The following TTLL7 variants were observed in gnomAD, a reference collection of about 807,000 sequenced individuals.
TTLL7 encodes the protein tubulin polyglutamylase TTLL7.
Under a neutral mutation model 120.2 loss-of-function variants are expected in TTLL7, and 53 were observed. The ratio of observed to expected loss-of-function variants is 0.44; its 90% confidence interval spans 0.35 to 0.55. The LOEUF (loss-of-function observed/expected upper bound fraction) is 0.55, where lower values mean the gene tolerates loss of function less well. Ranked by LOEUF, TTLL7 falls within the 20% of genes least tolerant of loss-of-function variation. TTLL7 has a pLI of 0.00. For missense variants in TTLL7, 803 were observed against 1,054.7 expected, an observed-to-expected ratio of 0.76 and a Z score of 3.31; for synonymous variants, 353 against 351.7, an observed-to-expected ratio of 1.00 and a Z score of -0.04.
rs1191882844 is a variant in TTLL7 at position 83,868,204 on chromosome 1, C to T, written c.*1758G>A. 1 of 152,200 alleles carries T rather than the reference C, an allele frequency of 6.6e-6. No homozygotes were observed. The highest frequency in any genetic ancestry group is 1.5e-5 in the Non-Finnish European group (1 of 68,014). The allele number at this position is 152,200 out of a possible 1,614,324, so 9.4% of individuals were successfully genotyped here. On this transcript the variant is annotated 3_prime_UTR_variant, in exon 21 of 21. Transcript: ENST00000260505. ...CAATTTGCCCCTCTCAGTTCTCCTG[C>T]TTTGGGGCCACTTCTTGAAATAACT... is the stretch of plus-strand genomic sequence containing the variant.
chr1:83,940,108 C>T (rs890013164), intron 7 of TTLL7, among the ~76,000 whole-genome samples: 5 of 152,058 alleles, frequency 3.3e-5, no homozygotes, highest in South Asian at 2.1e-4. Flanking sequence ...CTGGAGCTTA[C>T]GTGATTGAAG....
chr1:83,876,089 T>G (rs1030757667), intron 20 of TTLL7, among the ~76,000 whole-genome samples: 4 of 151,902 alleles, frequency 2.6e-5, no homozygotes, highest in African/African-American at 9.7e-5. Context: ...GGAAATGGTT[T>G]TCATTTATGG....
chr1:83,883,395 G>A (rs889837907), intron 19 of TTLL7, among the ~76,000 whole-genome samples: 1 of 151,876 alleles, frequency 6.6e-6, no homozygotes, highest in Non-Finnish European at 1.5e-5. Context: ...GTATGTGAGA[G>A]AGAGAGTGTG....
rs773305444 is a variant in TTLL7, at chr1:83,865,848, G to T, written c.*4114C>A. 2 of 151,866 alleles carry T rather than the reference G, an allele frequency of 1.3e-5. No individual in the cohort carries two copies. The highest frequency in any genetic ancestry group is 2.9e-5 in the Non-Finnish European group (2 of 67,844). 9.4% of individuals were successfully genotyped at this position (151,866 alleles called of 1,614,324 possible). On this transcript the variant is annotated 3_prime_UTR_variant, in exon 21 of 21. Transcript: ENST00000260505. ...TTCTTGAGGCTTTGTTAATACAAAGGTCAAAATTTCACCTTTGAACTAAAA... is the reference window on the plus strand; with the variant it reads ...TTCTTGAGGCTTTGTTAATACAAAGTTCAAAATTTCACCTTTGAACTAAAA...
At chr1:83,912,292 A>C (rs116324672) in intron 14 of TTLL7, among the ~76,000 whole-genome samples, 1,589 of 152,296 alleles carry the variant, frequency 0.01, 26 homozygotes, top group African/African-American at 0.036. Flanking sequence ...ACTTGTTTCT[A>C]GTCCTCCCAA....
At chr1:83,961,197 A>G (rs944625719) in intron 1 of TTLL7, among the ~76,000 whole-genome samples, 6 of 152,266 alleles carry the variant, frequency 3.9e-5, no homozygotes, top group Middle Eastern at 3.4e-3. Context: ...CTGAGCTACC[A>G]TATCAGGGAA....
intron 20 of TTLL7, among the ~76,000 whole-genome samples, chr1:83,876,728 TAAAGA>T (rs1052491833): frequency 3.3e-5 from 5 of 151,998 alleles, no homozygotes; most frequent in East Asian, 3.8e-4. Flanking sequence ...TTGTTGTTGA[TAAAGA>T]AAAGTGTAAT....
At chr1:83,927,552 T>C (rs573852320) in intron 10 of TTLL7, among the ~76,000 whole-genome samples, 1 of 152,220 alleles carries the variant, frequency 6.6e-6, no homozygotes, top group South Asian at 2.1e-4. Flanking sequence ...TAAAACAGTT[T>C]GGGTTGGAGA....
rs899263694 is a variant in TTLL7, at chr1:83,866,943, A to T, written c.*3019T>A. ...TCTTAGACATTTCTAGAAATTATTC[A>T]AATATTGCATAGTTCTAGAAAGCAT... On this transcript the variant is annotated 3_prime_UTR_variant, in exon 21 of 21. Coordinates refer to ENST00000260505, the MANE Select transcript of TTLL7 (RefSeq NM_024686.6). 2.0e-5 allele frequency: 3 copies of T among 151,974 alleles called. No homozygotes were observed. Among genetic ancestry groups the T allele is most frequent in the African/African-American group, 7.2e-5 (3 of 41,432 alleles). The allele number at this position is 151,974 out of a possible 1,614,324, so 9.4% of individuals were successfully genotyped here. A position where few individuals can be genotyped will look rare whatever the true frequency, so the allele number is the denominator to read the frequency against.
intron 7 of TTLL7, among the ~76,000 whole-genome samples, chr1:83,940,849 G>T (rs983172705): frequency 2.6e-5 from 4 of 151,958 alleles, no homozygotes; most frequent in Admixed American, 6.6e-5. Context: ...CCAGACCAGG[G>T]GACCATTCCT....
intron 1 of TTLL7, among the ~76,000 whole-genome samples, chr1:83,966,907 G>A (rs1650508551): frequency 6.6e-6 from 1 of 152,082 alleles, no homozygotes; most frequent in African/African-American, 2.4e-5. Context: ...AACTCTTGAT[G>A]GCCAGAGAAT....
Position 83,928,687 on chromosome 1 carries a change from T to A in TTLL7, c.1142+449A>T, listed in dbSNP as rs1322697872. Among the ~76,000 whole-genome samples, 3 of 152,182 alleles carry A rather than the reference T, an allele frequency of 2.0e-5. No homozygotes were observed. In the South Asian group the frequency reaches 6.2e-4, roughly 32 times the overall value. ...GAGAGAAAGTTAGGAAATCCATGTT[T>A]GAGTTTTTTTTTTAATTTCCTGAAT... On this transcript the variant is annotated intron_variant, in intron 10 of 20. Transcript: ENST00000260505.
At chr1:83,892,506 ATGAACATATAT>A (rs1290343803) in intron 18 of TTLL7, among the ~76,000 whole-genome samples, 63 of 119,876 alleles carry the variant, frequency 5.3e-4, no homozygotes, top group African/African-American at 6.0e-4. Context: ...GAACATATGA[ATGAACATATAT>A]ATGAACATAT....
intron 1 of TTLL7, among the ~76,000 whole-genome samples, chr1:83,963,975 C>A (rs1042213665): frequency 8.5e-5 from 13 of 152,096 alleles, no homozygotes; most frequent in Admixed American, 2.0e-4. Flanking sequence ...GTTCTGTATA[C>A]CTTCCCTCAG....
At chr1:83,990,744 G>C (rs886227884) in intron 1 of TTLL7, among the ~76,000 whole-genome samples, 22 of 152,274 alleles carry the variant, frequency 1.4e-4, no homozygotes, top group African/African-American at 5.3e-4. Flanking sequence ...GTGCACTGTT[G>C]GTGTGATAGT....
At chr1:83,979,170 C>G (rs1178667321) in intron 1 of TTLL7, 1 of 152,210 alleles carries the variant, frequency 6.6e-6, no homozygotes, top group Non-Finnish European at 1.5e-5. Flanking sequence ...GAAGACAGAG[C>G]TATCACTCAA....
At chr1:83,895,747 A>C (rs1656158094) in intron 18 of TTLL7, among the ~76,000 whole-genome samples, 1 of 152,076 alleles carries the variant, frequency 6.6e-6, no homozygotes, top group African/African-American at 2.4e-5. Flanking sequence ...TACGCTCTTA[A>C]CTACATCCAG....
chr1:83,951,331 A>C (rs182181619), intron 3 of TTLL7, among the ~76,000 whole-genome samples: 1 of 151,950 alleles, frequency 6.6e-6, no homozygotes, highest in Non-Finnish European at 1.5e-5. Flanking sequence ...CCTGGGCGAC[A>C]GAAACTCCGC....
rs546422760 is a variant in TTLL7 at position 83,874,440 on chromosome 1, A to G, written c.2544-4358T>C. The stretch of plus-strand genomic sequence containing the variant: ...AAATAATGCTTCTGTGAACATTGGT[A>G]TACAAGTATCTGTTTGAGTCTTTGT... On this transcript the variant is annotated intron_variant, in intron 20 of 20. Coordinates refer to ENST00000260505, the MANE Select transcript of TTLL7 (RefSeq NM_024686.6). Among the ~76,000 whole-genome samples the G allele has an allele frequency of 7.8e-4, 118 of 152,158 alleles. 1 individual carries two copies. Among genetic ancestry groups the G allele is most frequent in the African/African-American group, 2.6e-3 (109 of 41,544 alleles).
Sources: gnomAD v4.1 joint callset for allele counts (sites outside exome capture counted in the v4.1 genomes callset) on GRCh38, gnomAD v4.1.1 for gene constraint, MANE v1.5 for transcripts, NCBI Gene and HGNC (gene_info 2026-07-23, HGNC 2026-07-21) for gene names.